Variants in GRK3 observed in about 807,000 individuals in gnomAD.
The protein encoded by GRK3 is G protein-coupled receptor kinase 3, also known as adrenergic, beta, receptor kinase 2.
GRK3 carries 54 observed loss-of-function variants against 95.7 expected under a neutral mutation model. That is an observed-to-expected ratio of 0.56 (90% CI 0.45 to 0.71). GRK3 has a LOEUF of 0.71. GRK3 is among the 30% of genes least tolerant of loss of function. The probability of loss-of-function intolerance (pLI) is 0.00; values close to 1 mark genes in which losing one functional copy is unlikely to be tolerated. For missense variants in GRK3, 649 were observed against 851.2 expected (o/e 0.76, Z 2.96); for synonymous variants, 281 against 290.8 (o/e 0.97, Z 0.34).
intron 8 of GRK3, among the ~76,000 whole-genome samples, chr22:25,676,310 T>G (rs2085028711): frequency 6.6e-6 from 1 of 152,244 alleles, no homozygotes; most frequent in Non-Finnish European, 1.5e-5. Context: ...TATACTCTAC[T>G]TGTTGCTTGG....
intron 2 of GRK3, among the ~76,000 whole-genome samples, chr22:25,615,746 G>C (rs1249546207): frequency 6.8e-5 from 10 of 146,360 alleles, no homozygotes; most frequent in East Asian, 2.0e-4. Context: ...TGTCCACAAG[G>C]GGGTAAATCT....
intron 1 of GRK3, among the ~76,000 whole-genome samples, chr22:25,575,688 T>G (rs1202879741): frequency 6.6e-6 from 1 of 152,244 alleles, no homozygotes; most frequent in African/African-American, 2.4e-5. Flanking sequence ...TTATATATAT[T>G]AACTCTTTTT....
At chr22:25,661,458 G>A in intron 3 of GRK3, 118 bp from the exon 4 acceptor site, 1 of 549,034 alleles carries the variant, frequency 1.8e-6, no homozygotes, top group Admixed American at 3.0e-5. Context: ...GGAATAGCCG[G>A]TTCAGTAATT....
chr22:25,710,330 ATGTGAC>A (rs1482260421), intron 16 of GRK3, among the ~76,000 whole-genome samples: 2 of 152,192 alleles, frequency 1.3e-5, no homozygotes, highest in African/African-American at 4.8e-5. Context: ...TCTTATCTCA[ATGTGAC>A]TGTATTTTTA....
intron 2 of GRK3, among the ~76,000 whole-genome samples, chr22:25,611,829 G>GACTTTTTTTTTTTTTT (rs1569163613): frequency 7.2e-6 from 1 of 138,004 alleles, no homozygotes; most frequent in African/African-American, 2.7e-5. Flanking sequence ...ATAGTTTAGT[G>GACTTTTTTTTTTTTTT]TCTTTTTTTT....
chr22:25,584,948 T>C (rs1932243207), intron 1 of GRK3, among the ~76,000 whole-genome samples: 2 of 152,274 alleles, frequency 1.3e-5, no homozygotes, highest in Admixed American at 1.3e-4. Flanking sequence ...CCACAGACCA[T>C]TTACATCAGA....
chr22:25,695,979 G>A (rs889158005), intron 13 of GRK3, among the ~76,000 whole-genome samples: 5 of 151,924 alleles, frequency 3.3e-5, no homozygotes, highest in African/African-American at 7.3e-5. Flanking sequence ...GACTACAGGC[G>A]CCTGCCACCA....
intron 1 of GRK3, chr22:25,581,211 G>A (rs1932090316): frequency 6.6e-6 from 1 of 152,182 alleles, no homozygotes; most frequent in South Asian, 2.1e-4. Context: ...GCTGAGTGAT[G>A]GGTCTAGGTG....
intron 3 of GRK3, among the ~76,000 whole-genome samples, chr22:25,660,453 C>T (rs2084902271): frequency 6.6e-6 from 1 of 152,206 alleles, no homozygotes; most frequent in African/African-American, 2.4e-5. Context: ...CAGTGTAACA[C>T]TGATGATCTT....
chr22:25,573,672 G>A (rs1931784832), intron 1 of GRK3, among the ~76,000 whole-genome samples: 1 of 152,178 alleles, frequency 6.6e-6, no homozygotes, highest in Non-Finnish European at 1.5e-5. Context: ...GCTGAGGCAG[G>A]TGAATCACCT....
intron 1 of GRK3, among the ~76,000 whole-genome samples, chr22:25,574,291 C>T (rs889997970): frequency 2.0e-4 from 31 of 152,206 alleles, no homozygotes; most frequent in African/African-American, 7.2e-4. Context: ...TCAAGACCAG[C>T]CTGGGCAACA....
At chr22:25,629,719 C>T (rs113703752) in intron 2 of GRK3, among the ~76,000 whole-genome samples, 2 of 152,256 alleles carry the variant, frequency 1.3e-5, no homozygotes, top group African/African-American at 4.8e-5. Flanking sequence ...ATCCAACATC[C>T]TCTGCAACAC....
chr22:25,681,929 C>A (rs1377011425), intron 9 of GRK3, among the ~76,000 whole-genome samples: 1 of 151,934 alleles, frequency 6.6e-6, no homozygotes, highest in Non-Finnish European at 1.5e-5. Flanking sequence ...ATTAAATTGC[C>A]ACTTATTTTT....
At chr22:25,572,259 G>T (rs1489295043) in intron 1 of GRK3, among the ~76,000 whole-genome samples, 1 of 152,112 alleles carries the variant, frequency 6.6e-6, no homozygotes, top group Non-Finnish European at 1.5e-5. Context: ...TTCTATCATT[G>T]GTGGACATTT....
intron 7 of GRK3, among the ~76,000 whole-genome samples, chr22:25,673,098 G>C (rs557614354): frequency 9.1e-4 from 118 of 130,352 alleles, no homozygotes; most frequent in Admixed American, 1.7e-3. Context: ...GTCTCGCTCT[G>C]TCGCCCAGGC....
chr22:25,676,043 T>C (rs1395854092), intron 8 of GRK3, among the ~76,000 whole-genome samples: 2 of 152,232 alleles, frequency 1.3e-5, no homozygotes, highest in Non-Finnish European at 2.9e-5. Context: ...GTAATAAAAG[T>C]GCCTTGTTAT....
chr22:25,706,923 G>C (rs537195755), intron 15 of GRK3, among the ~76,000 whole-genome samples: 1 of 152,136 alleles, frequency 6.6e-6, no homozygotes, highest in African/African-American at 2.4e-5. Context: ...CCCGGCCCAA[G>C]TAATTCTTTG....
chr22:25,623,238 G>A (rs950606596), intron 2 of GRK3, among the ~76,000 whole-genome samples: 3 of 152,172 alleles, frequency 2.0e-5, no homozygotes, highest in Non-Finnish European at 1.5e-5. Flanking sequence ...CACCATGCCC[G>A]GCCATACTTT....
chr22:25,679,032 G>A (rs1288716671), intron 9 of GRK3, 117 bp downstream of exon 9: 1 of 621,788 alleles, frequency 1.6e-6, no homozygotes, highest in Non-Finnish European at 2.8e-6. Context: ...GGGTGGGTTA[G>A]AATCTGATAG....
Sources: allele counts gnomAD v4.1 joint callset (sites outside exome capture counted in the v4.1 genomes callset), GRCh38; gene constraint gnomAD v4.1.1; transcripts MANE v1.5; gene names NCBI Gene and HGNC (gene_info 2026-07-23, HGNC 2026-07-21).